Variants in HGF observed in about 807,000 individuals in gnomAD.
HGF encodes the protein fibroblast-derived tumor cytotoxic factor.
HGF carries 39 observed loss-of-function variants against 111.6 expected under a neutral mutation model. The observed-to-expected ratio is 0.35, with a 90% CI of 0.27 to 0.46. The LOEUF (loss-of-function observed/expected upper bound fraction) is 0.46. Ranked by LOEUF, HGF falls within the 20% of genes least tolerant of loss-of-function variation. HGF has a pLI of 1.00. For synonymous variants in HGF, 285 were observed against 294.8 expected (o/e 0.97, Z 0.34); for missense variants, 735 against 910.5 (o/e 0.81, Z 2.48).
chr7:81,762,012 G>T (rs557168973), intron 2 of HGF, among the ~76,000 whole-genome samples: 1 of 152,100 alleles, frequency 6.6e-6, no homozygotes, highest in Admixed American at 6.5e-5. Flanking sequence ...GCTCACTCCC[G>T]CTGTGAGGCC....
At chr7:81,707,910 A>G (rs1789469841) in intron 13 of HGF, among the ~76,000 whole-genome samples, 1 of 152,158 alleles carries the variant, frequency 6.6e-6, no homozygotes, top group Admixed American at 6.6e-5. Flanking sequence ...TACTTTGTCC[A>G]GTATAAGATC....
At chr7:81,753,685 C>T (rs1483002863) in intron 4 of HGF, among the ~76,000 whole-genome samples, 1 of 151,940 alleles carries the variant, frequency 6.6e-6, no homozygotes, top group South Asian at 2.1e-4. Flanking sequence ...AGACTTATTA[C>T]TAACTAAACA....
intron 9 of HGF, among the ~76,000 whole-genome samples, chr7:81,724,490 ACT>A (rs529030853): frequency 6.6e-6 from 1 of 152,088 alleles, no homozygotes; most frequent in Non-Finnish European, 1.5e-5. Flanking sequence ...AAAAAGGATA[ACT>A]CTCAATTTAC....
chr7:81,769,586 T>A (rs5745612), intron 1 of HGF, among the ~76,000 whole-genome samples: 166 of 152,288 alleles, frequency 1.1e-3, no homozygotes, highest in Non-Finnish European at 2.1e-3. Context: ...GTTCAGCCAG[T>A]ATTAGCACTT....
chr7:81,748,909 A>G (rs1291913555), intron 5 of HGF, among the ~76,000 whole-genome samples: 1 of 152,194 alleles, frequency 6.6e-6, no homozygotes, highest in Non-Finnish European at 1.5e-5. Flanking sequence ...TTTCTCCGTC[A>G]TAAAACAGGA....
intron 10 of HGF, among the ~76,000 whole-genome samples, chr7:81,719,265 T>G (rs1789792277): frequency 6.6e-6 from 1 of 152,222 alleles, no homozygotes; most frequent in Non-Finnish European, 1.5e-5. Context: ...CCTGACCACT[T>G]ACGTCTGAGT....
rs1397066158 is a variant in HGF at position 81,701,389 on chromosome 7, A to G, written c.*1192T>C. 2 of 151,560 alleles carry G rather than the reference A, an allele frequency of 1.3e-5. No homozygotes were observed. Among genetic ancestry groups the G allele is most frequent in the African/African-American group, 4.8e-5 (2 of 41,400 alleles). 9.4% of individuals were successfully genotyped at this position (151,560 alleles called of 1,614,324 possible). A position where few individuals can be genotyped will look rare whatever the true frequency, so the allele number is the denominator to read the frequency against. On this transcript the variant is annotated 3_prime_UTR_variant, in exon 18 of 18. Transcript: ENST00000222390. ...TAGGCTAAAATCTTCCAGGTTGAGA[A>G]AAGTATTTTTATTTTTTTCTCCAAT...
chr7:81,735,799 G>A (rs1429414154), intron 7 of HGF, among the ~76,000 whole-genome samples: 1 of 152,016 alleles, frequency 6.6e-6, no homozygotes, highest in Non-Finnish European at 1.5e-5. Flanking sequence ...CAAGACCAAG[G>A]TGCTAGACAA....
chr7:81,731,885 A>G (rs1204477225), intron 7 of HGF, among the ~76,000 whole-genome samples: 1 of 152,164 alleles, frequency 6.6e-6, no homozygotes, highest in Non-Finnish European at 1.5e-5. Context: ...TTGGGCAGCA[A>G]ACTTGTGACC....
intron 4 of HGF, chr7:81,755,896 T>G (rs940974786): frequency 9.8e-5 from 62 of 630,002 alleles, no homozygotes; most frequent in Non-Finnish European, 1.3e-4. Context: ...TAGTGTTAAT[T>G]AGGCCAAGAT....
At chr7:81,723,382 T>C (rs141223018) in intron 9 of HGF, among the ~76,000 whole-genome samples, 103 of 152,192 alleles carry the variant, frequency 6.8e-4, no homozygotes, top group Non-Finnish European at 1.1e-3. Context: ...GACAGAAATA[T>C]GCCTATGGAT....
intron 2 of HGF, among the ~76,000 whole-genome samples, chr7:81,761,448 G>A (rs932144111): frequency 1.3e-5 from 2 of 151,802 alleles, no homozygotes; most frequent in Admixed American, 1.3e-4. Flanking sequence ...GATGAAATTA[G>A]GACCACTTGC....
chr7:81,766,683 C>T (rs1448798429), intron 1 of HGF, among the ~76,000 whole-genome samples: 1 of 152,070 alleles, frequency 6.6e-6, no homozygotes, highest in Non-Finnish European at 1.5e-5. Context: ...TAGGTATTTT[C>T]TTCCTTCTCC....
At chr7:81,743,296 C>T in intron 7 of HGF, 57 bp downstream of exon 7, 1 of 970,714 alleles carries the variant, frequency 1.0e-6, no homozygotes, top group South Asian at 1.3e-5. Flanking sequence ...TAATAATCGC[C>T]TGCTTAGATC....
intron 1 of HGF, among the ~76,000 whole-genome samples, chr7:81,768,504 C>A (rs185677776): frequency 1.1e-4 from 16 of 152,144 alleles, no homozygotes; most frequent in African/African-American, 3.1e-4. Context: ...CTCAGCCTCC[C>A]AAGTAGGTGG....
At chr7:81,728,095 C>T (rs978882249) in intron 8 of HGF, among the ~76,000 whole-genome samples, 1 of 152,146 alleles carries the variant, frequency 6.6e-6, no homozygotes, top group Non-Finnish European at 1.5e-5. Context: ...TTAATAGAGA[C>T]ACGTGACCAG....
intron 4 of HGF, chr7:81,755,709 A>G (rs1397950770): frequency 2.7e-6 from 1 of 373,658 alleles, no homozygotes; most frequent in Non-Finnish European, 4.8e-6. Flanking sequence ...TGCAGGGAGT[A>G]ACACCATGCA....
intron 2 of HGF, among the ~76,000 whole-genome samples, chr7:81,760,774 A>T (rs942971889): frequency 6.6e-6 from 1 of 151,536 alleles, no homozygotes; most frequent in African/African-American, 2.4e-5. Context: ...GCTCTAATAC[A>T]TAATATTACC....
intron 8 of HGF, among the ~76,000 whole-genome samples, chr7:81,727,093 T>A (rs1348568503): frequency 2.6e-5 from 4 of 150,964 alleles, no homozygotes; most frequent in Non-Finnish European, 5.9e-5. Context: ...CAAGCTGGAG[T>A]GCAGTGGCGT....
Sources: allele counts gnomAD v4.1 joint callset (sites outside exome capture counted in the v4.1 genomes callset), GRCh38; gene constraint gnomAD v4.1.1; transcripts MANE v1.5; gene names NCBI Gene and HGNC (gene_info 2026-07-23, HGNC 2026-07-21).